Variants in ARHGEF3 observed in about 807,000 individuals in gnomAD.
ARHGEF3 encodes Rho guanine nucleotide exchange factor 3, also known as 59.8 kDA protein.
A neutral mutation model predicts 63.2 loss-of-function variants in ARHGEF3; 28 were observed. The observed-to-expected ratio is 0.44, with a 90% CI of 0.33 to 0.61. The LOEUF (loss-of-function observed/expected upper bound fraction) is 0.61, where lower values mean the gene tolerates loss of function less well. ARHGEF3 is among the 20% of genes least tolerant of loss of function. The probability of loss-of-function intolerance (pLI) is 0.03; values close to 1 mark genes in which losing one functional copy is unlikely to be tolerated. For missense variants in ARHGEF3, 533 were observed against 659.3 expected (o/e 0.81, Z 2.10); for synonymous variants, 266 against 254.2 (o/e 1.05, Z -0.44).
intron 4 of ARHGEF3, among the ~76,000 whole-genome samples, chr3:56,860,413 CCTCAAGCAGTCCT>C (rs2040034361): frequency 6.6e-6 from 1 of 152,132 alleles, no homozygotes; most frequent in Admixed American, 6.5e-5. Context: ...TAGCTCCTGG[CCTCAAGCAGTCCT>C]TCCACCTCAG....
chr3:56,995,861 T>C (rs1701969057), intron 2 of ARHGEF3, among the ~76,000 whole-genome samples: 1 of 152,154 alleles, frequency 6.6e-6, no homozygotes, highest in Non-Finnish European at 1.5e-5. Context: ...GTCTAGTTAG[T>C]GAGAACCTCT....
intron 2 of ARHGEF3, among the ~76,000 whole-genome samples, chr3:56,970,275 A>G (rs1325415226): frequency 6.6e-6 from 1 of 152,236 alleles, no homozygotes; most frequent in East Asian, 1.9e-4. Flanking sequence ...GGTGAAATAA[A>G]AATATTTTCG....
chr3:56,785,887 G>A (rs777701907), intron 1 of ARHGEF3, among the ~76,000 whole-genome samples: 3 of 152,206 alleles, frequency 2.0e-5, no homozygotes, highest in Non-Finnish European at 4.4e-5. Context: ...GTCTGCAGAA[G>A]AAAATGGATC....
intron 3 of ARHGEF3, among the ~76,000 whole-genome samples, chr3:56,941,447 A>T (rs1338533900): frequency 6.6e-6 from 1 of 152,172 alleles, no homozygotes; most frequent in African/African-American, 2.4e-5. Context: ...ATCTCAAGTG[A>T]TCCACCTGCC....
rs144479614 is a variant in ARHGEF3 at position 56,818,929 on chromosome 3, A to G, written c.193-45113T>C. On this transcript the variant is annotated intron_variant, in intron 4 of 12. Coordinates refer to the ARHGEF3 transcript ENST00000338458. ...AGGAAAGAAGGTAACGAAAAAAACT[A>G]TTTCATTCAAACAGCAGAAGTCCTT... is the stretch of plus-strand genomic sequence containing the variant. Among the ~76,000 whole-genome samples, 742 of 152,302 alleles carry G rather than the reference A, an allele frequency of 4.9e-3. 8 individuals carry two copies. Among genetic ancestry groups the G allele is most frequent in the African/African-American group, 0.017 (702 of 41,562 alleles).
At chr3:56,873,846 C>G (rs1309363752) in intron 4 of ARHGEF3, among the ~76,000 whole-genome samples, 1 of 152,106 alleles carries the variant, frequency 6.6e-6, no homozygotes, top group Non-Finnish European at 1.5e-5. Flanking sequence ...GTGATAAATC[C>G]CAACAAACAG....
chr3:56,916,419 A>G lies in ARHGEF3; in HGVS notation c.130-34065T>C, dbSNP rs921783006. The G allele has an allele frequency of 1.8e-5, 27 of 1,486,864 alleles. No individual in the cohort carries two copies. In the South Asian group the frequency reaches 3.0e-4, roughly 16 times the overall value. The allele number at this position is 1,486,864 out of a possible 1,614,324, so 92.1% of individuals were successfully genotyped here. ...GCCCTGTGCACAGGATTCTCTGAAC[A>G]GGGCTGAGCATAGTTTCCCTGAAGG... On this transcript the variant is annotated intron_variant, in intron 3 of 12. Coordinates refer to the ARHGEF3 transcript ENST00000338458.
rs532284642 is a variant in ARHGEF3, at chr3:56,909,244, A to G, written c.130-26890T>C. 1.1e-4 allele frequency among the ~76,000 whole-genome samples: 17 copies of G among 152,342 alleles called. No homozygotes were observed. The South Asian group carries it at 3.5e-3, about 32-fold the overall frequency. On this transcript the variant is annotated intron_variant, in intron 3 of 12. Coordinates refer to the ARHGEF3 transcript ENST00000338458. ...AGAGAATACTCAAAGATACACATGAACTCAGGAAGGCAGAGGGCTAGTGAT... is the reference window on the plus strand; with the variant it reads ...AGAGAATACTCAAAGATACACATGAGCTCAGGAAGGCAGAGGGCTAGTGAT...
At chr3:56,795,018 T>C (rs1398820510) in intron 1 of ARHGEF3, among the ~76,000 whole-genome samples, 2 of 132,764 alleles carry the variant, frequency 1.5e-5, no homozygotes, top group Non-Finnish European at 3.2e-5. Flanking sequence ...GTTACCACGC[T>C]TGGTGAATTC....
At chr3:56,905,355 T>G (rs770757482) in intron 3 of ARHGEF3, among the ~76,000 whole-genome samples, 3 of 152,124 alleles carry the variant, frequency 2.0e-5, no homozygotes, top group Admixed American at 6.5e-5. Flanking sequence ...TAACACACTA[T>G]AGGTACTGCT....
intron 2 of ARHGEF3, among the ~76,000 whole-genome samples, chr3:56,993,262 A>G (rs1701834947): frequency 6.6e-6 from 1 of 152,234 alleles, no homozygotes; most frequent in Non-Finnish European, 1.5e-5. Flanking sequence ...AGATTTGAAC[A>G]GAGGTTTTTG....
chr3:56,741,310 C>T (rs576002805), intron 7 of ARHGEF3, among the ~76,000 whole-genome samples: 8 of 151,252 alleles, frequency 5.3e-5, no homozygotes, highest in East Asian at 1.9e-4. Flanking sequence ...CTCAGCCTCC[C>T]GTGTAGCTGG....
At chr3:56,969,616 C>G (rs1284982805) in intron 2 of ARHGEF3, among the ~76,000 whole-genome samples, 2 of 151,776 alleles carry the variant, frequency 1.3e-5, no homozygotes, top group African/African-American at 4.8e-5. Context: ...ACTAAAAATA[C>G]AAAAATTAGC....
chr3:56,915,359 G>A (rs543274784), intron 3 of ARHGEF3, among the ~76,000 whole-genome samples: 32 of 152,168 alleles, frequency 2.1e-4, no homozygotes, highest in African/African-American at 7.7e-4. Context: ...CCAGCTACTC[G>A]GGAGGCTGAG....
At chr3:56,960,854 A>T (rs929471557) in intron 2 of ARHGEF3, 1 of 152,186 alleles carries the variant, frequency 6.6e-6, no homozygotes, top group African/African-American at 2.4e-5. Flanking sequence ...TTAAAACAAA[A>T]TTTTTGGATT....
intron 4 of ARHGEF3, among the ~76,000 whole-genome samples, chr3:56,880,086 T>C (rs1418292479): frequency 6.6e-6 from 1 of 152,220 alleles, no homozygotes; most frequent in African/African-American, 2.4e-5. Context: ...GCTTCTAGAA[T>C]TCTTCCAACT....
intron 3 of ARHGEF3, among the ~76,000 whole-genome samples, chr3:56,951,030 C>T (rs1022671698): frequency 2.7e-5 from 4 of 150,240 alleles, no homozygotes; most frequent in African/African-American, 7.4e-5. Flanking sequence ...ATCGCAAGGA[C>T]AAAAAACCAA....
At chr3:56,901,787 G>C (rs1217040535) in intron 3 of ARHGEF3, among the ~76,000 whole-genome samples, 1 of 151,878 alleles carries the variant, frequency 6.6e-6, no homozygotes, top group African/African-American at 2.4e-5. Context: ...ATGAGGTCTG[G>C]CTATGTTGCC....
chr3:56,856,023 C>A (rs891025599), intron 4 of ARHGEF3, among the ~76,000 whole-genome samples: 1 of 152,162 alleles, frequency 6.6e-6, no homozygotes, highest in African/African-American at 2.4e-5. Flanking sequence ...GTTTTACTCT[C>A]AAAGGAGCAG....
Sources: allele counts gnomAD v4.1 joint callset (sites outside exome capture counted in the v4.1 genomes callset), GRCh38; gene constraint gnomAD v4.1.1; transcripts MANE v1.5; gene names NCBI Gene and HGNC (gene_info 2026-07-23, HGNC 2026-07-21).